Variants in MGAT4C observed in about 807,000 individuals in gnomAD.
MGAT4C encodes the protein alpha-1,3-mannosyl-glycoprotein 4-beta-N-acetylglucosaminyltransferase C.
In MGAT4C, 19 loss-of-function variants were observed where a neutral mutation model predicts 40.1. That is an observed-to-expected ratio of 0.47 (90% CI 0.33 to 0.70). The LOEUF (loss-of-function observed/expected upper bound fraction) is 0.70. Among genes scored for constraint, MGAT4C ranks in the 30% least tolerant of loss-of-function variants. The pLI, the probability that MGAT4C is intolerant of heterozygous loss-of-function variation, is 0.02. For missense variants in MGAT4C, 491 were observed against 563.2 expected (o/e 0.87, Z 1.30); for synonymous variants, 181 against 187.1 (o/e 0.97, Z 0.27).
At chr12:86,664,799 C>CA (rs1305012701) in intron 2 of MGAT4C, among the ~76,000 whole-genome samples, 1 of 152,036 alleles carries the variant, frequency 6.6e-6, no homozygotes, top group African/African-American at 2.4e-5. Flanking sequence ...TAGAAAAAAA[C>CA]AATTCCGGTT....
rs1179166593 is a variant in MGAT4C at position 86,583,563 on chromosome 12, T to G, written c.-229+143646A>C. 2.0e-5 allele frequency among the ~76,000 whole-genome samples: 3 copies of G among 151,216 alleles called. No homozygotes were observed. In the South Asian group the frequency reaches 6.2e-4, roughly 31 times the overall value. ...CCAACATTAGCTTTCAAGCCTTGCA[T>G]TTCCAAGTTTAATACTGTATTTAAA... is the stretch of plus-strand genomic sequence containing the variant. On this transcript the variant is annotated intron_variant, in intron 2 of 7. Coordinates refer to the MGAT4C transcript ENST00000548651.
At chr12:85,985,667 G>C (rs571308767) in intron 3 of MGAT4C, among the ~76,000 whole-genome samples, 164 of 152,128 alleles carry the variant, frequency 1.1e-3, no homozygotes, top group African/African-American at 3.7e-3. Flanking sequence ...AAATTACTTA[G>C]AAATATACTA....
At chr12:86,232,327 A>G (rs1951357287) in intron 1 of MGAT4C, among the ~76,000 whole-genome samples, 1 of 152,228 alleles carries the variant, frequency 6.6e-6, no homozygotes, top group African/African-American at 2.4e-5. Flanking sequence ...TGGCTAAGAT[A>G]ACATTCACAA....
intron 1 of MGAT4C, among the ~76,000 whole-genome samples, chr12:86,132,130 A>G (rs1269839282): frequency 1.3e-5 from 2 of 152,106 alleles, no homozygotes; most frequent in African/African-American, 2.4e-5. Context: ...TCATGCTGAA[A>G]TTAAAAACAA....
chr12:86,775,050 A>C (rs1951728292), intron 1 of MGAT4C, among the ~76,000 whole-genome samples: 1 of 152,204 alleles, frequency 6.6e-6, no homozygotes, highest in South Asian at 2.1e-4. Context: ...TACATTGCAT[A>C]ATAAAAAGCA....
At chr12:86,275,944 C>CAAAAAAAAAAA (rs748476574) in intron 4 of MGAT4C, among the ~76,000 whole-genome samples, 6 of 69,182 alleles carry the variant, frequency 8.7e-5, no homozygotes, top group East Asian at 3.8e-4. Context: ...ACTAAAAATC[C>CAAAAAAAAAAA]AAAAAAAAAA....
At chr12:86,576,175 T>A (rs1323122812) in intron 2 of MGAT4C, among the ~76,000 whole-genome samples, 2 of 151,966 alleles carry the variant, frequency 1.3e-5, no homozygotes, top group Admixed American at 6.6e-5. Context: ...TTTGATTGGA[T>A]TATTAGATTT....
At chr12:86,062,385 A>C (rs1894079612) in intron 1 of MGAT4C, among the ~76,000 whole-genome samples, 1 of 152,154 alleles carries the variant, frequency 6.6e-6, no homozygotes. Flanking sequence ...ACCAACATCA[A>C]AGATCAAAGG....
intron 1 of MGAT4C, among the ~76,000 whole-genome samples, chr12:86,833,544 T>G (rs1159430319): frequency 6.6e-6 from 1 of 151,894 alleles, no homozygotes; most frequent in Non-Finnish European, 1.5e-5. Context: ...TCACACAGTC[T>G]TTCCTCTGTG....
chr12:86,407,010 C>T (rs1451840712), intron 3 of MGAT4C, among the ~76,000 whole-genome samples: 1 of 152,086 alleles, frequency 6.6e-6, no homozygotes, highest in African/African-American at 2.4e-5. Flanking sequence ...GTCACCTATA[C>T]TTCTGACTGA....
At chr12:86,291,603 G>T (rs1953519242) in intron 4 of MGAT4C, among the ~76,000 whole-genome samples, 1 of 152,130 alleles carries the variant, frequency 6.6e-6, no homozygotes, top group African/African-American at 2.4e-5. Flanking sequence ...GGTTGTTATT[G>T]ATATTAGTGT....
intron 1 of MGAT4C, among the ~76,000 whole-genome samples, chr12:86,738,766 C>A (rs1451825559): frequency 1.3e-5 from 2 of 151,028 alleles, no homozygotes; most frequent in African/African-American, 2.4e-5. Context: ...TAAATTAAGT[C>A]CAAGACTGGG....
chr12:86,358,227 C>T (rs1955363746), intron 3 of MGAT4C, among the ~76,000 whole-genome samples: 2 of 152,104 alleles, frequency 1.3e-5, no homozygotes, highest in Admixed American at 6.5e-5. Context: ...TCCAGCCAAA[C>T]TAAGCTTCGT....
chr12:86,285,829 T>C (rs1028245477), intron 4 of MGAT4C, among the ~76,000 whole-genome samples: 1 of 151,974 alleles, frequency 6.6e-6, no homozygotes, highest in African/African-American at 2.4e-5. Context: ...TGTAATAAAA[T>C]ATTATAATGA....
intron 1 of MGAT4C, among the ~76,000 whole-genome samples, chr12:86,117,794 T>C (rs1878680524): frequency 6.6e-6 from 1 of 152,156 alleles, no homozygotes; most frequent in Non-Finnish European, 1.5e-5. Flanking sequence ...GGTCAAGTAG[T>C]ACTAATTCAT....
At chr12:86,377,200 C>G (rs563835408) in intron 3 of MGAT4C, among the ~76,000 whole-genome samples, 1 of 151,974 alleles carries the variant, frequency 6.6e-6, no homozygotes, top group Admixed American at 6.6e-5. Flanking sequence ...GCTGGGATTA[C>G]AGGCATTCGC....
chr12:86,678,420 CTTTTT>C (rs200793863), intron 2 of MGAT4C, among the ~76,000 whole-genome samples: 1 of 148,822 alleles, frequency 6.7e-6, no homozygotes, highest in Non-Finnish European at 1.5e-5. Flanking sequence ...TCTGTTTCCT[CTTTTT>C]TTTTTATTTT....
At chr12:86,459,705 C>CA (rs1335787756) in intron 2 of MGAT4C, among the ~76,000 whole-genome samples, 32 of 123,196 alleles carry the variant, frequency 2.6e-4, no homozygotes, top group Non-Finnish European at 3.6e-4. Context: ...CCCCGCCCCC[C>CA]ACCCACCCAC....
At chr12:86,386,243 T>A (rs1439477391) in intron 3 of MGAT4C, among the ~76,000 whole-genome samples, 1 of 152,212 alleles carries the variant, frequency 6.6e-6, no homozygotes, top group Non-Finnish European at 1.5e-5. Context: ...GATTCAACTA[T>A]GTTCAAGGCA....
Sources: allele counts gnomAD v4.1 joint callset (sites outside exome capture counted in the v4.1 genomes callset), GRCh38; gene constraint gnomAD v4.1.1; transcripts MANE v1.5; gene names NCBI Gene and HGNC (gene_info 2026-07-23, HGNC 2026-07-21).